Variants in PITPNC1 observed in about 807,000 individuals in gnomAD.
PITPNC1 encodes cytoplasmic phosphatidylinositol transfer protein 1.
A neutral mutation model predicts 44.7 loss-of-function variants in PITPNC1; 18 were observed. That is an observed-to-expected ratio of 0.40 (90% CI 0.28 to 0.60). PITPNC1 has a LOEUF of 0.60. Among genes scored for constraint, PITPNC1 ranks in the 20% least tolerant of loss-of-function variants. The probability of loss-of-function intolerance (pLI) is 0.39; values close to 1 mark genes in which losing one functional copy is unlikely to be tolerated. For missense variants in PITPNC1, 290 were observed against 418.4 expected (o/e 0.69, Z 2.68); for synonymous variants, 141 against 149.6 (o/e 0.94, Z 0.42).
At chr17:67,423,516 C>T (rs910788400) in intron 1 of PITPNC1, among the ~76,000 whole-genome samples, 5 of 152,156 alleles carry the variant, frequency 3.3e-5, no homozygotes, top group African/African-American at 1.2e-4. Context: ...GTATTTTCAA[C>T]CGACCTGACT....
At chr17:67,487,541 G>A (rs1029695745) in intron 1 of PITPNC1, among the ~76,000 whole-genome samples, 4 of 152,148 alleles carry the variant, frequency 2.6e-5, no homozygotes, top group African/African-American at 4.8e-5. Context: ...AGAAACAAGC[G>A]AGTGTTTCTC....
In PITPNC1 at chr17:67,409,993, G is replaced by C. The variant is rs1400850466; in HGVS notation, c.48+31791G>C. On this transcript the variant is annotated intron_variant, in intron 1 of 8. Transcript: ENST00000581322. Reference sequence around the variant, plus strand: ...TGAACTCACTTGAACGTGCGTGCGTGAGTTTCTCTCCAGAGTATGTGCCTA... The same window carrying C: ...TGAACTCACTTGAACGTGCGTGCGTCAGTTTCTCTCCAGAGTATGTGCCTA... 2.0e-5 allele frequency among the ~76,000 whole-genome samples: 3 copies of C among 152,166 alleles called. No homozygotes were observed. In the East Asian group the frequency reaches 5.8e-4, roughly 29 times the overall value.
chr17:67,553,972 G>T (rs2040800947), intron 4 of PITPNC1, among the ~76,000 whole-genome samples: 1 of 152,186 alleles, frequency 6.6e-6, no homozygotes, highest in South Asian at 2.1e-4. Flanking sequence ...ATCGATGGAA[G>T]GTGGGGCTTT....
rs2038110396 is a variant in PITPNC1 at position 67,389,803 on chromosome 17, C to G, written c.48+11601C>G. 2.0e-5 allele frequency among the ~76,000 whole-genome samples: 3 copies of G among 152,024 alleles called. 1 individual carries two copies. The South Asian group carries it at 6.2e-4, about 32-fold the overall frequency. On this transcript the variant is annotated intron_variant, in intron 1 of 8. Transcript: ENST00000581322. ...CAAGCAATTCTCCTGCCTCAGTCTC[C>G]CGAGTAGCTGGGACTACAGGCACGT...
chr17:67,639,361 C>A (rs187436830), intron 6 of PITPNC1, among the ~76,000 whole-genome samples: 8 of 152,290 alleles, frequency 5.3e-5, no homozygotes, highest in African/African-American at 1.7e-4. Flanking sequence ...ATTATGTCAG[C>A]CCTCAAAGGT....
intron 2 of PITPNC1, among the ~76,000 whole-genome samples, chr17:67,543,347 G>C (rs754267): frequency 0.029 from 4,447 of 152,282 alleles, 93 homozygotes; most frequent in Middle Eastern, 0.058. Context: ...TGGGTTCCCA[G>C]ACCAAGCCCT....
At chr17:67,512,037 C>G (rs2040190747) in intron 1 of PITPNC1, among the ~76,000 whole-genome samples, 1 of 152,178 alleles carries the variant, frequency 6.6e-6, no homozygotes, top group Admixed American at 6.5e-5. Flanking sequence ...CTCTGCCTGC[C>G]AGGATGGAAA....
At chr17:67,379,868 G>A (rs567668108) in intron 1 of PITPNC1, among the ~76,000 whole-genome samples, 2 of 152,232 alleles carry the variant, frequency 1.3e-5, no homozygotes, top group East Asian at 3.9e-4. Flanking sequence ...ATCAAGAAAA[G>A]AACCAGTTCT....
chr17:67,542,772 C>T (rs1222452399), intron 2 of PITPNC1, among the ~76,000 whole-genome samples: 2 of 152,138 alleles, frequency 1.3e-5, no homozygotes, highest in Non-Finnish European at 2.9e-5. Context: ...GGAAGTCAAA[C>T]CACATTCAGA....
At chr17:67,691,753 C>A (rs1341970163) in intron 8 of PITPNC1, among the ~76,000 whole-genome samples, 1 of 152,174 alleles carries the variant, frequency 6.6e-6, no homozygotes, top group Non-Finnish European at 1.5e-5. Context: ...CGCCTGTAAT[C>A]CCAACACTTT....
chr17:67,599,024 ATATATATATATTTTT>A (rs1455848430), intron 5 of PITPNC1, among the ~76,000 whole-genome samples: 32 of 35,850 alleles, frequency 8.9e-4, no homozygotes, highest in African/African-American at 3.8e-3. Context: ...ATATATATAT[ATATATATATATTTTT>A]TTTTTTTTTT....
chr17:67,377,956 C>T lies in PITPNC1; in HGVS notation c.-199C>T. 2.4e-6 allele frequency: 1 copy of T among 414,644 alleles called. No homozygotes were observed. The highest frequency in any genetic ancestry group is 4.2e-6 in the Non-Finnish European group (1 of 236,252). The allele number at this position is 414,644 out of a possible 1,614,324, so 25.7% of individuals were successfully genotyped here. A position where few individuals can be genotyped will look rare whatever the true frequency, so the allele number is the denominator to read the frequency against. On this transcript the variant is annotated 5_prime_UTR_variant, in exon 1 of 9. Coordinates refer to ENST00000581322, the MANE Select transcript of PITPNC1 (RefSeq NM_012417.4). ...GGCGAGGGAGGAGGCGGGGGAGCTG[C>T]GAACACCCAGACCCAAACCCTGACA...
intron 1 of PITPNC1, among the ~76,000 whole-genome samples, chr17:67,393,742 T>A (rs2038172959): frequency 6.6e-6 from 1 of 152,176 alleles, no homozygotes; most frequent in Non-Finnish European, 1.5e-5. Flanking sequence ...TCTCTTAAGG[T>A]AGAAGACAGA....
intron 5 of PITPNC1, among the ~76,000 whole-genome samples, chr17:67,621,295 C>T (rs570943768): frequency 1.3e-5 from 2 of 151,778 alleles, no homozygotes; most frequent in East Asian, 1.9e-4. Flanking sequence ...GTAACCTCTG[C>T]CTCCCAGGTT....
intron 5 of PITPNC1, among the ~76,000 whole-genome samples, chr17:67,582,300 T>G (rs72848177): frequency 0.024 from 3,622 of 152,264 alleles, 83 homozygotes; most frequent in Non-Finnish European, 0.037. Flanking sequence ...GATAATTCTC[T>G]TGTCTCACCG....
chr17:67,451,177 G>A (rs767915500), intron 1 of PITPNC1, among the ~76,000 whole-genome samples: 4 of 151,866 alleles, frequency 2.6e-5, no homozygotes, highest in African/African-American at 4.8e-5. Context: ...GACTACACGC[G>A]CGCGCCATCA....
intron 5 of PITPNC1, among the ~76,000 whole-genome samples, chr17:67,587,405 G>A (rs1261119054): frequency 6.6e-6 from 1 of 152,044 alleles, no homozygotes; most frequent in African/African-American, 2.4e-5. Flanking sequence ...GAGGTGGGAG[G>A]ATCGCTTGAG....
At chr17:67,675,691 T>C in intron 8 of PITPNC1, 149 bp downstream of exon 8, 1 of 652,464 alleles carries the variant, frequency 1.5e-6, no homozygotes, top group African/African-American at 1.8e-5. Context: ...CTGCCAAGCA[T>C]AATGAAGATG....
chr17:67,477,294 T>C (rs2144019793), intron 1 of PITPNC1, among the ~76,000 whole-genome samples: 1 of 144,894 alleles, frequency 6.9e-6, no homozygotes, highest in Non-Finnish European at 1.5e-5. Context: ...TTGCCCAGGC[T>C]GGAGTGCAAT....
Sources: allele counts gnomAD v4.1 joint callset (sites outside exome capture counted in the v4.1 genomes callset), GRCh38; gene constraint gnomAD v4.1.1; transcripts MANE v1.5; gene names NCBI Gene and HGNC (gene_info 2026-07-23, HGNC 2026-07-21).